The following HYDIN variants were observed in gnomAD, a reference collection of about 807,000 sequenced individuals.
The protein encoded by HYDIN is axonemal central pair apparatus protein HYDIN.
In HYDIN, 132 loss-of-function variants were observed where a neutral mutation model predicts 403.9. The ratio of observed to expected loss-of-function variants is 0.33; its 90% CI spans 0.28 to 0.38. HYDIN has a LOEUF of 0.38. Among genes scored for constraint, HYDIN ranks in the 10% least tolerant of loss-of-function variants. The pLI is 1.00. For synonymous variants in HYDIN, 1,202 were observed against 1,891.7 expected (o/e 0.64, Z 9.46); for missense variants, 2,827 against 5,009.5 (o/e 0.56, Z 13.15).
At chr16:71,203,341 T>C (rs896060126) in intron 1 of HYDIN, among the ~76,000 whole-genome samples, 1 of 152,242 alleles carries the variant, frequency 6.6e-6, no homozygotes, top group Non-Finnish European at 1.5e-5. Context: ...TAAAAGTTTC[T>C]GTCACTTGAA....
chr16:71,051,318 GTTT>G (rs2081628548), intron 18 of HYDIN, among the ~76,000 whole-genome samples: 1 of 151,882 alleles, frequency 6.6e-6, no homozygotes, highest in African/African-American at 2.4e-5. Flanking sequence ...TGACATAGGC[GTTT>G]ACCAAAAACC....
chr16:71,184,621 T>C (rs1567422394), intron 3 of HYDIN, among the ~76,000 whole-genome samples: 2 of 152,148 alleles, frequency 1.3e-5, no homozygotes, highest in Admixed American at 6.6e-5. Context: ...TAGCGTCAAA[T>C]AGTATTCAGA....
intron 29 of HYDIN, among the ~76,000 whole-genome samples, chr16:70,979,762 T>C (rs374138111): frequency 1.3e-5 from 2 of 151,958 alleles, no homozygotes; most frequent in African/African-American, 2.4e-5. Flanking sequence ...CAAAACCCCG[T>C]CTCTACAAAA....
intron 71 of HYDIN, among the ~76,000 whole-genome samples, chr16:70,859,228 G>T (rs2039244116): frequency 1.3e-5 from 2 of 152,072 alleles, no homozygotes; most frequent in Non-Finnish European, 2.9e-5. Context: ...GTGAACCCAG[G>T]AGGCGGAGCA....
chr16:71,179,584 C>T (rs1450893924), intron 3 of HYDIN, among the ~76,000 whole-genome samples: 1 of 152,168 alleles, frequency 6.6e-6, no homozygotes, highest in Non-Finnish European at 1.5e-5. Flanking sequence ...AATGAATTCT[C>T]ATCATACAAA....
intron 83 of HYDIN, 76 bp from the exon 84 acceptor site, chr16:70,818,648 C>G (rs2036012209): frequency 3.2e-6 from 2 of 626,794 alleles, no homozygotes; most frequent in Non-Finnish European, 5.7e-6. Flanking sequence ...ATTTTCAGAG[C>G]CTCCTTCTCT....
At chr16:71,015,246 G>A (rs2080219355) in intron 23 of HYDIN, among the ~76,000 whole-genome samples, 1 of 151,902 alleles carries the variant, frequency 6.6e-6, no homozygotes, top group South Asian at 2.1e-4. Flanking sequence ...TATAAGCAGA[G>A]GCTCAATATT....
At chr16:71,095,340 G>C (rs1158818995) in intron 10 of HYDIN, among the ~76,000 whole-genome samples, 10 of 152,190 alleles carry the variant, frequency 6.6e-5, no homozygotes, top group Admixed American at 5.2e-4. Flanking sequence ...AATACTGCTA[G>C]TTTCTTATCT....
intron 1 of HYDIN, among the ~76,000 whole-genome samples, chr16:71,229,799 T>C (rs967009828): frequency 1.3e-5 from 2 of 152,242 alleles, no homozygotes; most frequent in African/African-American, 4.8e-5. Context: ...AATGGAATCA[T>C]TCTACATACT....
intron 1 of HYDIN, among the ~76,000 whole-genome samples, chr16:71,215,400 GAATGTAC>G (rs542357607): frequency 1.3e-5 from 2 of 152,142 alleles, no homozygotes; most frequent in Admixed American, 6.5e-5. Context: ...GCTGATGAAT[GAATGTAC>G]AAGAAATATG....
intron 1 of HYDIN, among the ~76,000 whole-genome samples, chr16:71,200,550 A>G (rs2087948231): frequency 2.6e-5 from 4 of 152,154 alleles, no homozygotes; most frequent in Admixed American, 2.6e-4. Flanking sequence ...GCTGAGATAC[A>G]ATTCCTGTTA....
At chr16:71,165,343 A>G (rs1597923683) in intron 5 of HYDIN, among the ~76,000 whole-genome samples, 2 of 150,066 alleles carry the variant, frequency 1.3e-5, no homozygotes, top group African/African-American at 4.9e-5. Context: ...TCACCCCCTC[A>G]CCTCTTCAGC....
intron 83 of HYDIN, among the ~76,000 whole-genome samples, chr16:70,824,172 T>A (rs1206578556): frequency 6.7e-6 from 1 of 148,846 alleles, no homozygotes; most frequent in Non-Finnish European, 1.5e-5. Flanking sequence ...TTAATTTCAA[T>A]ATGTATTACT....
intron 5 of HYDIN, among the ~76,000 whole-genome samples, chr16:71,165,132 G>A (rs1284697099): frequency 6.6e-6 from 1 of 151,054 alleles, no homozygotes; most frequent in Non-Finnish European, 1.5e-5. Flanking sequence ...CAGTAAAAAT[G>A]TAAGTCAGCT....
chr16:70,999,828 G>T (rs2079644125), intron 23 of HYDIN, among the ~76,000 whole-genome samples: 1 of 152,044 alleles, frequency 6.6e-6, no homozygotes, highest in Non-Finnish European at 1.5e-5. Context: ...TAACTTTGCA[G>T]AAACAGTTTT....
chr16:70,872,357 C>T (rs1459937872), intron 64 of HYDIN, among the ~76,000 whole-genome samples, 178 bp from the exon 65 acceptor site: 1 of 132,856 alleles, frequency 7.5e-6, no homozygotes, highest in African/African-American at 3.5e-5. Context: ...TATCTATCCA[C>T]CCATCCATCC....
intron 1 of HYDIN, among the ~76,000 whole-genome samples, chr16:71,220,148 G>A (rs899939559): frequency 6.6e-5 from 10 of 152,098 alleles, no homozygotes; most frequent in African/African-American, 1.2e-4. Context: ...CACAGATCCC[G>A]AATGTGTACC....
intron 18 of HYDIN, among the ~76,000 whole-genome samples, chr16:71,057,795 C>G (rs1272110199): frequency 1.4e-5 from 2 of 142,938 alleles, no homozygotes; most frequent in African/African-American, 5.2e-5. Flanking sequence ...CATGAACAGA[C>G]ACTTCTCAAA....
chr16:70,894,614 G>A, intron 54 of HYDIN, 66 bp from the exon 55 acceptor site: 2 of 977,494 alleles, frequency 2.0e-6, no homozygotes, highest in East Asian at 2.7e-5. Flanking sequence ...CAGGGGAAGT[G>A]CCTGTTGAAA....
Sources: gnomAD v4.1 joint callset for allele counts (sites outside exome capture counted in the v4.1 genomes callset) on GRCh38, gnomAD v4.1.1 for gene constraint, MANE v1.5 for transcripts, NCBI Gene and HGNC (gene_info 2026-07-23, HGNC 2026-07-21) for gene names.